Variants in RABGAP1L observed in about 807,000 individuals in gnomAD.
RABGAP1L encodes RAB GTPase activating protein 1 like.
Under a neutral mutation model 137.7 loss-of-function variants are expected in RABGAP1L, and 63 were observed. That is an observed-to-expected ratio of 0.46 (90% CI 0.37 to 0.56). The LOEUF (loss-of-function observed/expected upper bound fraction) is 0.56, where lower values mean the gene tolerates loss of function less well. RABGAP1L is among the 20% of genes least tolerant of loss of function. The pLI, the probability that RABGAP1L is intolerant of heterozygous loss-of-function variation, is 0.00. For missense variants in RABGAP1L, 1,095 were observed against 1,244.0 expected, an observed-to-expected ratio of 0.88 and a Z score of 1.80; for synonymous variants, 431 against 433.7, an observed-to-expected ratio of 0.99 and a Z score of 0.08.
In RABGAP1L at chr1:174,991,210, T is replaced by C. The variant is rs983741070; in HGVS notation, c.*1209T>C. On this transcript the variant is annotated 3_prime_UTR_variant, in exon 26 of 26. Transcript: ENST00000681986. Reference sequence around the variant, plus strand: ...TTTTCAATTATATTTAACATGCCTATAAAAATAGTCCTTGCAGGAAATTAT... The same window carrying C: ...TTTTCAATTATATTTAACATGCCTACAAAAATAGTCCTTGCAGGAAATTAT... 21 of 152,262 alleles carry C rather than the reference T, an allele frequency of 1.4e-4. No homozygotes were observed. Among genetic ancestry groups the C allele is most frequent in the Admixed American group, 1.4e-3 (21 of 15,290 alleles). 9.4% of individuals were successfully genotyped at this position (152,262 alleles called of 1,614,324 possible).
intron 19 of RABGAP1L, chr1:174,938,317 C>T (rs1191668880): frequency 6.6e-6 from 1 of 152,224 alleles, no homozygotes; most frequent in Non-Finnish European, 1.5e-5. Flanking sequence ...CTGACATCTT[C>T]ACATAGTTTC....
chr1:174,229,833 A>C (rs1326761596), intron 3 of RABGAP1L, among the ~76,000 whole-genome samples: 1 of 152,140 alleles, frequency 6.6e-6, no homozygotes, highest in Non-Finnish European at 1.5e-5. Flanking sequence ...ATCCCTGAGG[A>C]ATCGCCACAC....
At chr1:174,457,776 C>T (rs1656212364) in intron 13 of RABGAP1L, among the ~76,000 whole-genome samples, 1 of 152,150 alleles carries the variant, frequency 6.6e-6, no homozygotes, top group Non-Finnish European at 1.5e-5. Context: ...GATGGGACTA[C>T]AGGTGTGAGC....
chr1:174,470,657 C>T (rs1263036470), intron 13 of RABGAP1L, among the ~76,000 whole-genome samples: 2 of 152,026 alleles, frequency 1.3e-5, no homozygotes, highest in Non-Finnish European at 2.9e-5. Flanking sequence ...GTCCCAGCTA[C>T]TTGGGAGGCT....
intron 13 of RABGAP1L, among the ~76,000 whole-genome samples, chr1:174,479,729 A>G (rs1658893178): frequency 6.6e-6 from 1 of 152,142 alleles, no homozygotes; most frequent in Non-Finnish European, 1.5e-5. Flanking sequence ...ATTTATTGTA[A>G]TATACCAATG....
chr1:174,159,963 C>T (rs1664294502), intron 1 of RABGAP1L: 1 of 152,310 alleles, frequency 6.6e-6, no homozygotes, highest in Non-Finnish European at 1.5e-5. Flanking sequence ...CCAGCTGTGC[C>T]CTCCTGACAT....
rs1647551995 is a variant in RABGAP1L, at chr1:174,394,322, G to GTCA, written c.1710+180_1710+182dup. Among the ~76,000 whole-genome samples the GTCA allele has an allele frequency of 2.0e-5, 3 of 152,124 alleles. No individual in the cohort carries two copies. The East Asian group carries it at 5.8e-4, about 29-fold the overall frequency. ...CTTGTAGTGGTAAACAATGCACTTAGTCATCTATGAACATTGTATGCCTTG... is the reference window on the plus strand; with the variant it reads ...CTTGTAGTGGTAAACAATGCACTTAGTCATCATCTATGAACATTGTATGCCTTG... On this transcript the variant is annotated intron_variant, in intron 13 of 25. Coordinates refer to ENST00000681986, the MANE Select transcript of RABGAP1L (RefSeq NM_001366446.1).
chr1:174,529,133 A>G (rs1456935123), intron 13 of RABGAP1L, among the ~76,000 whole-genome samples: 2 of 150,878 alleles, frequency 1.3e-5, no homozygotes, highest in Non-Finnish European at 1.5e-5. Flanking sequence ...CTGGGATTTC[A>G]TGAATTTCTT....
chr1:174,176,596 C>T lies in RABGAP1L; in HGVS notation c.-34+16939C>T, dbSNP rs1271516185. Among the ~76,000 whole-genome samples, 8 of 151,292 alleles carry T rather than the reference C, an allele frequency of 5.3e-5. No individual in the cohort carries two copies. In the South Asian group the frequency reaches 1.3e-3, roughly 24 times the overall value. On this transcript the variant is annotated intron_variant, in intron 1 of 25. Coordinates refer to ENST00000681986, the MANE Select transcript of RABGAP1L (RefSeq NM_001366446.1). ...GCATGGTGGCACATGCCTGTAGTCC[C>T]AACTACTTGGGAGGCTAAGATGGGA...
At chr1:174,263,994 C>G (rs993856733) in intron 7 of RABGAP1L, among the ~76,000 whole-genome samples, 1 of 151,684 alleles carries the variant, frequency 6.6e-6, no homozygotes, top group Admixed American at 6.6e-5. Flanking sequence ...GTAATAGTAG[C>G]ATAGTTGTTT....
chr1:174,835,693 C>T (rs1435176741), intron 19 of RABGAP1L, among the ~76,000 whole-genome samples: 1 of 152,152 alleles, frequency 6.6e-6, no homozygotes, highest in Non-Finnish European at 1.5e-5. Context: ...TAATAAAACT[C>T]TGTTCTCATA....
intron 9 of RABGAP1L, among the ~76,000 whole-genome samples, chr1:174,278,391 C>G (rs1205564677): frequency 6.6e-6 from 1 of 152,136 alleles, no homozygotes; most frequent in African/African-American, 2.4e-5. Context: ...GGGTGAGACT[C>G]TGTCTCAAAA....
At chr1:174,706,299 AC>A (rs1480245421) in intron 17 of RABGAP1L, among the ~76,000 whole-genome samples, 1 of 152,194 alleles carries the variant, frequency 6.6e-6, no homozygotes, top group Non-Finnish European at 1.5e-5. Context: ...ATATATGATA[AC>A]ATGGGTTAGT....
intron 18 of RABGAP1L, among the ~76,000 whole-genome samples, chr1:174,769,241 C>T (rs1032747031): frequency 4.6e-5 from 7 of 151,958 alleles, no homozygotes; most frequent in African/African-American, 7.3e-5. Flanking sequence ...ACAATGGATA[C>T]TTGCTGCTGA....
chr1:174,741,438 C>T (rs1683402218), intron 17 of RABGAP1L, among the ~76,000 whole-genome samples: 1 of 152,164 alleles, frequency 6.6e-6, no homozygotes, highest in Non-Finnish European at 1.5e-5. Flanking sequence ...TCACTGCTCA[C>T]TGTGGCCTCA....
At chr1:174,404,344 C>T (rs1469525281) in intron 13 of RABGAP1L, among the ~76,000 whole-genome samples, 1 of 152,052 alleles carries the variant, frequency 6.6e-6, no homozygotes, top group African/African-American at 2.4e-5. Context: ...TTTTCAGCTT[C>T]CATTTAATGA....
intron 13 of RABGAP1L, among the ~76,000 whole-genome samples, chr1:174,522,039 A>G (rs984116135): frequency 2.0e-5 from 3 of 151,650 alleles, no homozygotes; most frequent in African/African-American, 7.3e-5. Context: ...AGATGGTGCC[A>G]CTGCACTACA....
At chr1:174,613,008 G>C (rs10912814) in intron 13 of RABGAP1L, among the ~76,000 whole-genome samples, 57,925 of 150,084 alleles carry the variant, frequency 0.39, 14,176 homozygotes, top group African/African-American at 0.69. Context: ...AAAAAACCAG[G>C]TCCTAGATTC....
At chr1:174,734,982 A>G (rs1639128802) in intron 17 of RABGAP1L, among the ~76,000 whole-genome samples, 1 of 117,226 alleles carries the variant, frequency 8.5e-6, no homozygotes, top group Non-Finnish European at 1.7e-5. Context: ...TTTTTTTAAG[A>G]TATGGGGTCT....
Sources: gnomAD v4.1 joint callset for allele counts (sites outside exome capture counted in the v4.1 genomes callset) on GRCh38, gnomAD v4.1.1 for gene constraint, MANE v1.5 for transcripts, NCBI Gene and HGNC (gene_info 2026-07-23, HGNC 2026-07-21) for gene names.